Variants in ADAMTS6 observed in about 807,000 individuals in gnomAD.
ADAMTS6 encodes the protein ADAM metallopeptidase with thrombospondin type 1 motif 6.
Under a neutral mutation model 144.3 loss-of-function variants are expected in ADAMTS6, and 23 were observed. That is an observed-to-expected ratio of 0.16 (90% CI 0.11 to 0.23). The LOEUF (loss-of-function observed/expected upper bound fraction) is 0.23, where lower values mean the gene tolerates loss of function less well. ADAMTS6 is among the 10% of genes least tolerant of loss of function. ADAMTS6 has a pLI of 1.00. For synonymous variants in ADAMTS6, 444 were observed against 457.5 expected (o/e 0.97, Z 0.38); for missense variants, 999 against 1,379.6 (o/e 0.72, Z 4.37).
At position 65,300,138 on chromosome 5, in the gene ADAMTS6, T is replaced by C; in HGVS notation, c.1224-7A>G. 1 of 1,610,342 alleles carries C rather than the reference T, an allele frequency of 6.2e-7. No homozygotes were observed. Among genetic ancestry groups the C allele is most frequent in the East Asian group, 2.2e-5 (1 of 44,840 alleles). On this transcript the variant is annotated splice_region_variant and splice_polypyrimidine_tract_variant and intron_variant, in intron 9 of 24. Transcript: ENST00000381055. ...ATCATGGTTCATACCAAAACTGTTT[T>C]AATGAGGAAGAAACATAGAATAAAT...
In ADAMTS6 at chr5:65,427,579, G is replaced by A. The variant is rs1025227651; in HGVS notation, c.1073+23896C>T. Among the ~76,000 whole-genome samples, 24 of 151,708 alleles carry A rather than the reference G, an allele frequency of 1.6e-4. No individual in the cohort carries two copies. The East Asian group carries it at 2.0e-3, about 12-fold the overall frequency. ...TTTGGGAGGCCGAGGCAGGCGGATC[G>A]TGAGGTCAAGAGATCGAGACCATCG... On this transcript the variant is annotated intron_variant, in intron 7 of 24. Coordinates refer to ENST00000381055, the MANE Select transcript of ADAMTS6 (RefSeq NM_197941.4).
chr5:65,440,642 G>A (rs895495692), intron 7 of ADAMTS6, among the ~76,000 whole-genome samples: 1 of 152,160 alleles, frequency 6.6e-6, no homozygotes, highest in Non-Finnish European at 1.5e-5. Context: ...CGTAAGAGAA[G>A]CACTTAAGGC....
chr5:65,155,189 A>C (rs1328025647), intron 24 of ADAMTS6, among the ~76,000 whole-genome samples: 1 of 152,166 alleles, frequency 6.6e-6, no homozygotes, highest in Non-Finnish European at 1.5e-5. Context: ...AAAAATTATA[A>C]TTTATCAAGC....
intron 7 of ADAMTS6, among the ~76,000 whole-genome samples, chr5:65,364,090 C>T (rs938655123): frequency 2.0e-5 from 3 of 152,296 alleles, no homozygotes; most frequent in African/African-American, 7.2e-5. Flanking sequence ...ACTCCTGTCA[C>T]CTGGCCAAAC....
chr5:65,226,990 A>G (rs543651749), intron 15 of ADAMTS6, among the ~76,000 whole-genome samples: 139 of 152,352 alleles, frequency 9.1e-4, no homozygotes, highest in African/African-American at 3.2e-3. Flanking sequence ...ACTCTGCCAC[A>G]TCAAGCAAGG....
intron 15 of ADAMTS6, among the ~76,000 whole-genome samples, chr5:65,228,262 A>C (rs1665377131): frequency 6.6e-6 from 1 of 152,120 alleles, no homozygotes; most frequent in South Asian, 2.1e-4. Flanking sequence ...AGAGAAGCTG[A>C]GTCTTCTGTT....
intron 7 of ADAMTS6, among the ~76,000 whole-genome samples, chr5:65,359,647 C>T (rs1466503432): frequency 6.6e-6 from 1 of 152,098 alleles, no homozygotes; most frequent in East Asian, 1.9e-4. Flanking sequence ...ATAATGAAAA[C>T]ATTCTACATA....
At chr5:65,328,549 CT>C (rs1420279294) in intron 9 of ADAMTS6, among the ~76,000 whole-genome samples, 1 of 151,270 alleles carries the variant, frequency 6.6e-6, no homozygotes, top group African/African-American at 2.4e-5. Flanking sequence ...AAAAAAAATC[CT>C]GTTAGTAAAT....
intron 7 of ADAMTS6, among the ~76,000 whole-genome samples, chr5:65,395,154 CTG>C (rs1179052586): frequency 6.6e-6 from 1 of 152,110 alleles, no homozygotes; most frequent in East Asian, 1.9e-4. Context: ...GACACAGAGT[CTG>C]TGTGTGCCAC....
intron 4 of ADAMTS6, among the ~76,000 whole-genome samples, chr5:65,455,668 T>C (rs1487313913): frequency 2.6e-5 from 4 of 151,314 alleles, no homozygotes; most frequent in African/African-American, 9.7e-5. Context: ...AGCTGTGTGG[T>C]GGCACACATC....
At chr5:65,448,602 G>A (rs1007894529) in intron 7 of ADAMTS6, among the ~76,000 whole-genome samples, 34 of 151,824 alleles carry the variant, frequency 2.2e-4, no homozygotes, top group Admixed American at 2.0e-3. Context: ...ACAGGCGCCC[G>A]CAACCACGCC....
intron 7 of ADAMTS6, among the ~76,000 whole-genome samples, chr5:65,392,264 T>C (rs1200588711): frequency 6.6e-6 from 1 of 152,166 alleles, no homozygotes; most frequent in East Asian, 1.9e-4. Context: ...TTTTTTTCCT[T>C]ATTGCAATTT....
intron 5 of ADAMTS6, 67 bp from the exon 6 acceptor site, chr5:65,452,283 T>C: frequency 7.1e-7 from 1 of 1,401,188 alleles, no homozygotes; most frequent in Non-Finnish European, 1.0e-6. Context: ...GTTTGGTTTT[T>C]TAAGTGCTAA....
At chr5:65,166,871 G>A (rs1469994964) in intron 24 of ADAMTS6, among the ~76,000 whole-genome samples, 5 of 119,710 alleles carry the variant, frequency 4.2e-5, no homozygotes, top group Non-Finnish European at 1.8e-5. Flanking sequence ...TCTCTGGGAC[G>A]CATTCAAAGC....
intron 7 of ADAMTS6, among the ~76,000 whole-genome samples, chr5:65,432,013 T>C (rs1164887550): frequency 6.6e-6 from 1 of 152,108 alleles, no homozygotes; most frequent in East Asian, 1.9e-4. Flanking sequence ...TACTCAAATA[T>C]TGTTTTCTCT....
chr5:65,428,108 C>CACT (rs1756703459), intron 7 of ADAMTS6, among the ~76,000 whole-genome samples: 1 of 151,416 alleles, frequency 6.6e-6, no homozygotes, highest in Non-Finnish European at 1.5e-5. Context: ...TGCCTATAGT[C>CACT]TCAGCTACTT....
rs577698366 is a variant in ADAMTS6 at position 65,177,731 on chromosome 5, A to C, written c.2911-4723T>G. ...ATTAAAACAGGATACCAAGATGCAAATGCCTGGTTGGAGTCGATCAAATAT... is the reference window on the plus strand; with the variant it reads ...ATTAAAACAGGATACCAAGATGCAACTGCCTGGTTGGAGTCGATCAAATAT... On this transcript the variant is annotated intron_variant, in intron 22 of 24. Coordinates refer to ENST00000381055, the MANE Select transcript of ADAMTS6 (RefSeq NM_197941.4). Among the ~76,000 whole-genome samples the C allele has an allele frequency of 9.8e-5, 15 of 152,364 alleles. No homozygotes were observed. In the East Asian group the frequency reaches 2.7e-3, roughly 27 times the overall value.
At chr5:65,158,027 C>T (rs1752531994) in intron 24 of ADAMTS6, among the ~76,000 whole-genome samples, 1 of 152,090 alleles carries the variant, frequency 6.6e-6, no homozygotes, top group African/African-American at 2.4e-5. Context: ...CCCTGGATGC[C>T]ACCCACATTC....
chr5:65,439,797 T>A lies in ADAMTS6; in HGVS notation c.1073+11678A>T, dbSNP rs1384667225. On this transcript the variant is annotated intron_variant, in intron 7 of 24. Coordinates refer to ENST00000381055, the MANE Select transcript of ADAMTS6 (RefSeq NM_197941.4). ...ACTGTACTGGGGTTATATAAGAGAA[T>A]GTCTTTGTCCATTTTTTTGTTTTTT... Among the ~76,000 whole-genome samples the A allele has an allele frequency of 2.0e-5, 3 of 152,270 alleles. No individual in the cohort carries two copies. The East Asian group carries it at 5.8e-4, about 29-fold the overall frequency.
Sources: allele counts gnomAD v4.1 joint callset (sites outside exome capture counted in the v4.1 genomes callset), GRCh38; gene constraint gnomAD v4.1.1; transcripts MANE v1.5; gene names NCBI Gene and HGNC (gene_info 2026-07-23, HGNC 2026-07-21).